Variants in LRP2BP observed in about 807,000 individuals in gnomAD.
LRP2BP encodes the protein LRP2-binding protein.
A neutral mutation model predicts 45.2 loss-of-function variants in LRP2BP; 38 were observed. The ratio of observed to expected loss-of-function variants is 0.84; its 90% CI spans 0.65 to 1.10. LRP2BP has a LOEUF of 1.10. Among genes scored for constraint, LRP2BP ranks in the 50% least tolerant of loss-of-function variants. The probability of loss-of-function intolerance (pLI) is 0.00; values close to 1 mark genes in which losing one functional copy is unlikely to be tolerated. For synonymous variants in LRP2BP, 153 were observed against 153.9 expected (o/e 0.99, Z 0.04); for missense variants, 385 against 418.9 (o/e 0.92, Z 0.71).
chr4:185,371,261 T>C (rs115957650), intron 7 of LRP2BP, among the ~76,000 whole-genome samples: 2,011 of 152,174 alleles, frequency 0.013, 42 homozygotes, highest in South Asian at 0.092. Context: ...GACAATTGGC[T>C]GGGCGCGGTG....
In LRP2BP at chr4:185,376,976, A is replaced by G; in HGVS notation, c.149T>C (p.Leu50Ser). Residue 50 changes from leucine (L) to serine (S), a missense_variant, in exon 3 of 9, where the codon TTG becomes TCG. By Grantham distance (145) the Leu-to-Ser change is moderately radical (BLOSUM62 -2). Transcript: ENST00000505916. ...GTCTCCTTTCAGTATTCTTTCCTTC[A>G]AGAGCTGCAATGCCTTATCCACCAA... ...ANLVDKALQLLKERILKGDTL... is the reference protein window; with the variant it reads ...ANLVDKALQLSKERILKGDTL... 1.9e-6 allele frequency: 3 copies of G among 1,614,056 alleles called. No homozygotes were observed. The highest frequency in any genetic ancestry group is 2.5e-6 in the Non-Finnish European group (3 of 1,179,910).
At chr4:185,392,574 TTCAAG>T (rs2095490979) in intron 1 of LRP2BP, among the ~76,000 whole-genome samples, 1 of 152,116 alleles carries the variant, frequency 6.6e-6, no homozygotes, top group African/African-American at 2.4e-5. Context: ...ATTTGATTAA[TTCAAG>T]TCATCTTAAA....
intron 1 of LRP2BP, among the ~76,000 whole-genome samples, chr4:185,380,191 GT>G (rs148949553): frequency 0.072 from 10,899 of 152,158 alleles, 579 homozygotes; most frequent in African/African-American, 0.14. Flanking sequence ...TATTTATTAT[GT>G]TTTGGGAATT....
In LRP2BP at chr4:185,375,612, C is replaced by T. The variant is rs1184651668; in HGVS notation, c.330+1G>A. The stretch of plus-strand genomic sequence containing the variant: ...CCACTGTGACCAAGACATTAACTTA[C>T]AGCGTCTAGAGTGGTCCCCAGCCCA... On this transcript the variant is annotated splice_donor_variant, in intron 4 of 8. Transcript: ENST00000505916. LOFTEE classifies it high-confidence loss of function. 2.0e-6 allele frequency: 3 copies of T among 1,535,256 alleles called. No homozygotes were observed. Among genetic ancestry groups the T allele is most frequent in the African/African-American group, 1.4e-5 (1 of 71,390 alleles).
intron 1 of LRP2BP, among the ~76,000 whole-genome samples, chr4:185,384,877 C>G (rs1421235911): frequency 3.3e-5 from 5 of 151,954 alleles, no homozygotes; most frequent in Admixed American, 2.6e-4. Context: ...TCTTCCCACT[C>G]CGCCCTGCAT....
At position 185,366,373 on chromosome 4, in the gene LRP2BP, T is replaced by C. The variant is rs2095388086; in HGVS notation, c.*807A>G. 1.3e-5 allele frequency: 2 copies of C among 152,368 alleles called. No homozygotes were observed. Among genetic ancestry groups the C allele is most frequent in the Admixed American group, 1.3e-4 (2 of 15,306 alleles). The allele number at this position is 152,368 out of a possible 1,614,324, so 9.4% of individuals were successfully genotyped here. A position where few individuals can be genotyped will look rare whatever the true frequency, so the allele number is the denominator to read the frequency against. ...CAATTTGCTTTACTTTTCTTACGAA[T>C]ATTTTCATATAGCAATTGCTTTTTG... On this transcript the variant is annotated 3_prime_UTR_variant, in exon 9 of 9. Coordinates refer to ENST00000505916, the MANE Select transcript of LRP2BP (RefSeq NM_001377440.1).
intron 1 of LRP2BP, chr4:185,378,887 C>T (rs1381543246): frequency 1.0e-6 from 1 of 985,394 alleles, no homozygotes; most frequent in Non-Finnish European, 1.2e-6. Context: ...GGCTTACTTT[C>T]ACCAATCAGA....
intron 1 of LRP2BP, 194 bp from the exon 2 acceptor site, chr4:185,378,401 C>G: frequency 7.3e-7 from 1 of 1,366,948 alleles, no homozygotes; most frequent in South Asian, 1.7e-5. Flanking sequence ...AGCTGAGAGA[C>G]AGCCATTCTC....
At position 185,395,627 on chromosome 4, in the gene LRP2BP, A is replaced by G; in HGVS notation, c.-870T>C. On this transcript the variant is annotated 5_prime_UTR_variant, in exon 1 of 9. The change abolishes an upstream ATG in the 5' untranslated region. Transcript: ENST00000505916. ...AACACACATTTATATTCAAATATTCATATGAATAAAAATGCTTAAAACTAC... is the reference window on the plus strand; with the variant it reads ...AACACACATTTATATTCAAATATTCGTATGAATAAAAATGCTTAAAACTAC... 1.0e-6 allele frequency: 1 copy of G among 982,680 alleles called. No individual in the cohort carries two copies. The highest frequency in any genetic ancestry group is 1.2e-6 in the Non-Finnish European group (1 of 827,390). The allele number at this position is 982,680 out of a possible 1,614,324, so 60.9% of individuals were successfully genotyped here. A position where few individuals can be genotyped will look rare whatever the true frequency, so the allele number is the denominator to read the frequency against.
chr4:185,386,856 A>G lies in LRP2BP; in HGVS notation c.-22+7923T>C, dbSNP rs149553061. ...GGCCACTGAGCTGAGGACAGAGGCA[A>G]GTGGATGCCGTGGAGACATGTACGT... On this transcript the variant is annotated intron_variant, in intron 1 of 8. Coordinates refer to ENST00000505916, the MANE Select transcript of LRP2BP (RefSeq NM_001377440.1). 1.4e-3 allele frequency among the ~76,000 whole-genome samples: 206 copies of G among 152,356 alleles called. 2 individuals carry two copies. The highest frequency in any genetic ancestry group is 4.9e-3 in the African/African-American group (202 of 41,588).
chr4:185,367,160 T>C lies in LRP2BP; in HGVS notation c.*20A>G, dbSNP rs949666636. On this transcript the variant is annotated 3_prime_UTR_variant, in exon 9 of 9. Transcript: ENST00000505916. Reference sequence around the variant, plus strand: ...TGTGAGGTGTTAGCATTGATGATCTTTGTTGAAATACATTGTGGTCTAAAT... The same window carrying C: ...TGTGAGGTGTTAGCATTGATGATCTCTGTTGAAATACATTGTGGTCTAAAT... 6 of 1,600,162 alleles carry C rather than the reference T, an allele frequency of 3.7e-6. No homozygotes were observed. In the African/African-American group the frequency reaches 8.1e-5, roughly 21 times the overall value.
chr4:185,385,912 G>GGT (rs763851934), intron 1 of LRP2BP, among the ~76,000 whole-genome samples: 5 of 22,780 alleles, frequency 2.2e-4, no homozygotes, highest in African/African-American at 3.8e-4. Context: ...GGGAGGGGGG[G>GGT]GGGGAGATAA....
At chr4:185,386,908 T>G (rs550122444) in intron 1 of LRP2BP, among the ~76,000 whole-genome samples, 3 of 152,164 alleles carry the variant, frequency 2.0e-5, no homozygotes, top group African/African-American at 7.2e-5. Flanking sequence ...TATATAAAAG[T>G]AAAGAAGCAA....
intron 7 of LRP2BP, among the ~76,000 whole-genome samples, chr4:185,371,335 T>A (rs143171117): frequency 1.3e-5 from 2 of 151,872 alleles, no homozygotes; most frequent in Non-Finnish European, 2.9e-5. Flanking sequence ...GTTAGGAGAT[T>A]GAGACCATCC....
At chr4:185,396,792 G>A (rs2095504518), upstream of LRP2BP, 2 of 998,204 alleles carry the variant, frequency 2.0e-6, no homozygotes, top group East Asian at 2.4e-5. Context: ...CCAAGGGCCG[G>A]CCCGGAAGTC....
intron 1 of LRP2BP, among the ~76,000 whole-genome samples, chr4:185,382,887 C>A (rs898675601): frequency 6.6e-6 from 1 of 152,100 alleles, no homozygotes; most frequent in African/African-American, 2.4e-5. Context: ...CTAAAAGAAA[C>A]CATTGCCTAA....
In LRP2BP at chr4:185,366,080, T is replaced by A. The variant is rs1204122313; in HGVS notation, c.*1100A>T. ...TAAAATAAAGCCACATCCTTTAATA[T>A]GTTTATAAAAAAAGGAATAGTTAAG... On this transcript the variant is annotated 3_prime_UTR_variant, in exon 9 of 9. Coordinates refer to ENST00000505916, the MANE Select transcript of LRP2BP (RefSeq NM_001377440.1). 1 of 152,236 alleles carries A rather than the reference T, an allele frequency of 6.6e-6. No individual in the cohort carries two copies. The highest frequency in any genetic ancestry group is 2.1e-4 in the South Asian group (1 of 4,836). 9.4% of individuals were successfully genotyped at this position (152,236 alleles called of 1,614,324 possible).
At position 185,378,099 on chromosome 4, in the gene LRP2BP, A is replaced by T. The variant is rs562642641; in HGVS notation, c.88T>A (p.Trp30Arg). 1.9e-6 allele frequency: 3 copies of T among 1,613,452 alleles called. No individual in the cohort carries two copies. The highest frequency in any genetic ancestry group is 3.3e-5 in the Admixed American group (2 of 59,870). Reference protein sequence around the residue: ...YAAKNQKFFQWKKEKTDYTHA... With the variant: ...YAAKNQKFFQRKKEKTDYTHA... ...TTTGTACCAGTCTTTTCCTTTTTCC[A>T]CTGGAAAAATTTTTGGTTTTTAGCA... Residue 30 changes from tryptophan (W) to arginine (R), a missense_variant, in exon 2 of 9, where the codon TGG becomes AGG. Coordinates refer to ENST00000505916, the MANE Select transcript of LRP2BP (RefSeq NM_001377440.1).
chr4:185,384,457 A>G (rs956547345), intron 1 of LRP2BP, among the ~76,000 whole-genome samples: 2 of 152,114 alleles, frequency 1.3e-5, no homozygotes, highest in Admixed American at 6.6e-5. Context: ...TCAATGGGCC[A>G]AGTGTTTAAA....
Sources: allele counts gnomAD v4.1 joint callset (sites outside exome capture counted in the v4.1 genomes callset), GRCh38; gene constraint gnomAD v4.1.1; transcripts MANE v1.5; gene names NCBI Gene and HGNC (gene_info 2026-07-23, HGNC 2026-07-21).